The following TTC23L variants were observed in gnomAD, a reference collection of about 807,000 sequenced individuals.
TTC23L encodes tetratricopeptide repeat domain 23 like.
In TTC23L, 42 loss-of-function variants were observed where a neutral mutation model predicts 48.1. The observed-to-expected ratio is 0.87, with a 90% CI of 0.68 to 1.13. The LOEUF (loss-of-function observed/expected upper bound fraction) is 1.13, where lower values mean the gene tolerates loss of function less well. Among genes scored for constraint, TTC23L ranks in the 50% most tolerant of loss-of-function variants. TTC23L has a pLI of 0.00. For missense variants in TTC23L, 391 were observed against 421.0 expected (o/e 0.93, Z 0.62); for synonymous variants, 159 against 157.2 (o/e 1.01, Z -0.09).
At chr5:34,846,707 G>GTGTGTGTGTGTGTGTGTGTGTGTA (rs59410522) in intron 3 of TTC23L, among the ~76,000 whole-genome samples, 2 of 129,734 alleles carry the variant, frequency 1.5e-5, no homozygotes, top group East Asian at 2.1e-4. Context: ...GTGTGTGTGT[G>GTGTGTGTGTGTGTGTGTGTGTGTA]TATCCATCCT....
chr5:34,844,177 A>G (rs916038152), intron 2 of TTC23L, among the ~76,000 whole-genome samples: 2 of 152,214 alleles, frequency 1.3e-5, no homozygotes, highest in South Asian at 2.1e-4. Context: ...CACATCCCCA[A>G]CCTTCCCTGG....
chr5:34,879,381 T>C (rs1762066120), intron 8 of TTC23L, among the ~76,000 whole-genome samples: 1 of 152,188 alleles, frequency 6.6e-6, no homozygotes, highest in African/African-American at 2.4e-5. Context: ...ATTTTCTAGA[T>C]TGATATAAAC....
intron 4 of TTC23L, chr5:34,861,355 T>A (rs2150391850): frequency 6.0e-6 from 1 of 166,672 alleles, no homozygotes; most frequent in East Asian, 1.5e-4. Context: ...TTCATCATCC[T>A]ATTTGGGGGG....
At chr5:34,919,828 T>A in the TTC23L span, 2 of 968,666 alleles carry the variant, frequency 2.1e-6, no homozygotes, top group South Asian at 3.6e-5. Flanking sequence ...TTTCTTTTTT[T>A]TCTTTTTCTA....
chr5:34,848,670 G>C (rs934544910), intron 3 of TTC23L, among the ~76,000 whole-genome samples: 1 of 152,148 alleles, frequency 6.6e-6, no homozygotes, highest in Non-Finnish European at 1.5e-5. Flanking sequence ...ACATGGAAGA[G>C]TGTCCCAAGC....
chr5:34,839,681 G>C (rs918490743), intron 1 of TTC23L: 2 of 984,982 alleles, frequency 2.0e-6, no homozygotes, highest in African/African-American at 3.5e-5. Context: ...GGGCTCGGTG[G>C]GAATTAGTGA....
At chr5:34,862,007 T>C (rs1760701316) in intron 4 of TTC23L, among the ~76,000 whole-genome samples, 1 of 152,130 alleles carries the variant, frequency 6.6e-6, no homozygotes, top group Non-Finnish European at 1.5e-5. Context: ...ATGCAATGCA[T>C]ATTTGAGGGG....
At chr5:34,914,092 GTGT>G in the TTC23L span, 1 of 426,624 alleles carries the variant, frequency 2.3e-6, no homozygotes, top group Middle Eastern at 3.4e-4. Context: ...GTGCACTTAC[GTGT>G]TAAAAAACGC....
At chr5:34,904,764 G>C in the TTC23L span, among the ~76,000 whole-genome samples, 1 of 152,016 alleles carries the variant, frequency 6.6e-6, no homozygotes, top group South Asian at 2.1e-4. Context: ...CAAAATCCTT[G>C]GACAAAATGG....
At chr5:34,867,294 G>A (rs1580453472) in intron 7 of TTC23L, 4 of 575,902 alleles carry the variant, frequency 6.9e-6, no homozygotes, top group South Asian at 6.2e-5. Context: ...CATTGGCTGT[G>A]CAGACAGCAC....
At chr5:34,921,031 A>C in the TTC23L span, 1 of 152,038 alleles carries the variant, frequency 6.6e-6, no homozygotes, top group African/African-American at 2.4e-5. Context: ...TGCCCAGCTA[A>C]TTTTTTGTAT....
chr5:34,880,084 G>A, intron 8 of TTC23L, 97 bp from the exon 9 acceptor site: 4 of 1,429,460 alleles, frequency 2.8e-6, no homozygotes, highest in Non-Finnish European at 3.8e-6. Context: ...GAACAAGCAT[G>A]GACTTTAAGC....
At chr5:34,920,069 G>A in the TTC23L span, 9 of 406,948 alleles carry the variant, frequency 2.2e-5, no homozygotes, top group Non-Finnish European at 2.7e-5. Context: ...ATTCATTTCT[G>A]TTTGTTTTGT....
At chr5:34,916,923 TC>T in the TTC23L span, among the ~76,000 whole-genome samples, 5,046 of 152,240 alleles carry the variant, frequency 0.033, 187 homozygotes, top group African/African-American at 0.093. Flanking sequence ...CTTGTACACT[TC>T]CAGTAAATGT....
rs150766977 is a variant in TTC23L, at chr5:34,855,277, A to G, written c.379+4969A>G. On this transcript the variant is annotated intron_variant, in intron 4 of 10. Transcript: ENST00000505624. Reference sequence around the variant, plus strand: ...ATAAACCTGGAAAGGAGAAGGGTACATTGGGCAGGCCATGGTGTGGTTTTA... The same window carrying G: ...ATAAACCTGGAAAGGAGAAGGGTACGTTGGGCAGGCCATGGTGTGGTTTTA... Among the ~76,000 whole-genome samples, 737 of 151,250 alleles carry G rather than the reference A, an allele frequency of 4.9e-3. 6 individuals are homozygous for G. Among genetic ancestry groups the G allele is most frequent in the African/African-American group, 0.017 (699 of 40,888 alleles).
At chr5:34,844,592 A>G (rs928801408) in intron 2 of TTC23L, among the ~76,000 whole-genome samples, 1 of 151,946 alleles carries the variant, frequency 6.6e-6, no homozygotes, top group Non-Finnish European at 1.5e-5. Flanking sequence ...AACATTCACT[A>G]TTTAAGCAAT....
chr5:34,843,839 ATT>A (rs1330282178), intron 2 of TTC23L, among the ~76,000 whole-genome samples: 1 of 152,114 alleles, frequency 6.6e-6, no homozygotes, highest in Non-Finnish European at 1.5e-5. Flanking sequence ...ACAGGCCATT[ATT>A]TGTTTTTACT....
intron 8 of TTC23L, 25 bp downstream of exon 8, chr5:34,869,038 G>A: frequency 6.4e-7 from 1 of 1,555,544 alleles, no homozygotes; most frequent in Non-Finnish European, 8.8e-7. Context: ...TAGCCTTGAA[G>A]TTATTTCCCA....
the TTC23L span, chr5:34,925,044 T>A: frequency 1.9e-6 from 3 of 1,545,786 alleles, no homozygotes; most frequent in East Asian, 6.8e-5. Context: ...TTCTGTGAAG[T>A]AATTGCTGTT....
Sources: allele counts gnomAD v4.1 joint callset (sites outside exome capture counted in the v4.1 genomes callset), GRCh38; gene constraint gnomAD v4.1.1; transcripts MANE v1.5; gene names NCBI Gene and HGNC (gene_info 2026-07-23, HGNC 2026-07-21).